SRFBP1: variants seen among roughly 807,000 people sequenced by gnomAD.
The protein encoded by SRFBP1 is serum response factor binding protein 1.
SRFBP1 carries 47 observed loss-of-function variants against 45.5 expected under a neutral mutation model. The ratio of observed to expected loss-of-function variants is 1.03; its 90% CI spans 0.82 to 1.32. SRFBP1 has a LOEUF of 1.32. Among genes scored for constraint, SRFBP1 ranks in the 40% most tolerant of loss-of-function variants. SRFBP1 has a pLI of 0.00. For missense variants in SRFBP1, 621 were observed against 484.6 expected (o/e 1.28, Z -2.64); for synonymous variants, 203 against 166.3 (o/e 1.22, Z -1.70).
chr5:122,062,766 A>G (rs897147676), intron 2 of SRFBP1, among the ~76,000 whole-genome samples: 2 of 151,994 alleles, frequency 1.3e-5, no homozygotes, highest in Non-Finnish European at 2.9e-5. Context: ...TTGCCCTCTC[A>G]TGTTACCAGA....
chr5:121,994,639 A>G lies in SRFBP1; in HGVS notation c.239A>G (p.Asp80Gly). Residue 80 changes from aspartate to glycine, a missense_variant, in exon 4 of 8, where the codon GAT (aspartate) becomes GGT (glycine). Transcript: ENST00000339397. ...ATAGTAACTAAATCTGCTCTTGGTG[A>G]TGATATCAACTTTGAAAAAATCTTC... ...PDIVTKSALG[D>G]DINFEKIFKK... The G allele has an allele frequency of 6.3e-7, 1 of 1,597,336 alleles. No individual in the cohort carries two copies. The highest frequency in any genetic ancestry group is 1.1e-5 in the South Asian group (1 of 87,714).
intron 4 of SRFBP1, among the ~76,000 whole-genome samples, chr5:122,015,272 A>C (rs1278426504): frequency 6.6e-6 from 1 of 152,230 alleles, no homozygotes; most frequent in Non-Finnish European, 1.5e-5. Context: ...CTACCAAGAC[A>C]GAATCTCAAA....
chr5:121,982,347 A>G (rs1752426952), intron 3 of SRFBP1, among the ~76,000 whole-genome samples: 1 of 151,990 alleles, frequency 6.6e-6, no homozygotes, highest in African/African-American at 2.4e-5. Context: ...AGCATTTAGT[A>G]ACAGATCATC....
chr5:121,969,126 A>G (rs1045210025), intron 1 of SRFBP1, among the ~76,000 whole-genome samples: 6 of 152,180 alleles, frequency 3.9e-5, no homozygotes, highest in African/African-American at 1.4e-4. Flanking sequence ...CACCCCAGAA[A>G]TAGAGCTCAT....
chr5:122,005,271 C>A (rs1377409929), intron 4 of SRFBP1, among the ~76,000 whole-genome samples: 1 of 152,128 alleles, frequency 6.6e-6, no homozygotes, highest in East Asian at 1.9e-4. Context: ...TATTGTATTA[C>A]AATCTGTCTC....
At chr5:121,969,712 A>G (rs1256252412) in intron 1 of SRFBP1, among the ~76,000 whole-genome samples, 1 of 152,010 alleles carries the variant, frequency 6.6e-6, no homozygotes, top group Non-Finnish European at 1.5e-5. Context: ...CAGACCTTAT[A>G]GATTGTCTTA....
Position 122,027,214 on chromosome 5 carries a change from A to C in SRFBP1, c.*88A>C, listed in dbSNP as rs1182839726. 1 of 1,074,948 alleles carries C rather than the reference A, an allele frequency of 9.3e-7. No homozygotes were observed. Among genetic ancestry groups the C allele is most frequent in the Non-Finnish European group, 1.3e-6 (1 of 755,398 alleles). The allele number at this position is 1,074,948 out of a possible 1,614,324, so 66.6% of individuals were successfully genotyped here. ...CTCATTCTGTTGCCCAGACTAGAGT[A>C]CAATATTGCAATCACAGCTCACTGC... is the stretch of plus-strand genomic sequence containing the variant. On this transcript the variant is annotated 3_prime_UTR_variant, in exon 8 of 8. Coordinates refer to ENST00000339397, the MANE Select transcript of SRFBP1 (RefSeq NM_152546.3).
chr5:121,985,236 A>G (rs923848898), intron 3 of SRFBP1, among the ~76,000 whole-genome samples: 1 of 151,888 alleles, frequency 6.6e-6, no homozygotes, highest in African/African-American at 2.4e-5. Flanking sequence ...GTCTTTCTGT[A>G]ACAGTGAGTC....
At chr5:122,076,175 G>A (rs1754624828), downstream of SRFBP1, 1 of 152,226 alleles carries the variant, frequency 6.6e-6, no homozygotes, top group African/African-American at 2.4e-5. Context: ...ATTATAAAGG[G>A]TCAAAGTGGA....
chr5:122,052,745 C>T (rs1023731461), intron 2 of SRFBP1, among the ~76,000 whole-genome samples: 2 of 152,180 alleles, frequency 1.3e-5, no homozygotes, highest in South Asian at 2.1e-4. Context: ...AATTCAATTT[C>T]TGCCATTTCA....
chr5:122,023,641 T>C (rs1026295943), intron 7 of SRFBP1, among the ~76,000 whole-genome samples: 38 of 152,174 alleles, frequency 2.5e-4, no homozygotes, highest in African/African-American at 8.4e-4. Context: ...GGAGGGTCTT[T>C]GTTTCGTGGC....
chr5:121,993,279 A>T lies in SRFBP1; in HGVS notation c.199-1320A>T, dbSNP rs1054697218. Among the ~76,000 whole-genome samples the T allele has an allele frequency of 3.3e-5, 5 of 152,254 alleles. 1 individual carries two copies. The South Asian group carries it at 1.0e-3, about 31-fold the overall frequency. ...CTCACATTTATGAAAAAACATATGTATATATTCCTTCTGCTGAAAGGGTTA... is the reference window on the plus strand; with the variant it reads ...CTCACATTTATGAAAAAACATATGTTTATATTCCTTCTGCTGAAAGGGTTA... On this transcript the variant is annotated intron_variant, in intron 3 of 7. Transcript: ENST00000339397.
chr5:121,989,355 C>T (rs142459734), intron 3 of SRFBP1, among the ~76,000 whole-genome samples: 1,609 of 152,118 alleles, frequency 0.011, 28 homozygotes, highest in African/African-American at 0.036. Context: ...TGTGAGCCAC[C>T]GAGCCCTGCC....
intron 4 of SRFBP1, among the ~76,000 whole-genome samples, chr5:122,012,621 T>C (rs925935805): frequency 6.6e-6 from 1 of 152,084 alleles, no homozygotes; most frequent in South Asian, 2.1e-4. Context: ...TAGTTAAAAA[T>C]AGCTGGCAGC....
rs745748607 is a variant in SRFBP1, at chr5:122,034,235, C to G, written n.311+11828C>G. Among the ~76,000 whole-genome samples the G allele has an allele frequency of 3.3e-5, 5 of 152,246 alleles. No individual in the cohort carries two copies. The South Asian group carries it at 8.3e-4, about 25-fold the overall frequency. ...TTTTCCATTTAATAAGTGAAGTAAG[C>G]CCTTTCACATGTGTTAAGATGAATA... On this transcript the variant is annotated intron_variant and non_coding_transcript_variant, in intron 2 of 2. Coordinates refer to the SRFBP1 transcript ENST00000504881.
intron 1 of SRFBP1, among the ~76,000 whole-genome samples, chr5:121,971,241 T>G (rs539427068): frequency 6.6e-6 from 1 of 152,060 alleles, no homozygotes; most frequent in Non-Finnish European, 1.5e-5. Context: ...AGAACAGGTG[T>G]GGAGAAACCG....
At chr5:122,009,616 TC>T (rs1230707000) in intron 4 of SRFBP1, among the ~76,000 whole-genome samples, 7 of 152,228 alleles carry the variant, frequency 4.6e-5, no homozygotes, top group Admixed American at 3.9e-4. Context: ...TGGTAAGTTT[TC>T]CGAGTAGGGT....
At chr5:122,001,065 T>A (rs886334874) in intron 4 of SRFBP1, among the ~76,000 whole-genome samples, 5 of 152,096 alleles carry the variant, frequency 3.3e-5, no homozygotes, top group African/African-American at 4.8e-5. Context: ...TTCTCCAAGC[T>A]CTTAAGTTTT....
chr5:122,027,045 A>T lies in SRFBP1; in HGVS notation c.1209A>T (p.Ser403=). ...KQQLQLPLHP[S]WEASRRRKEQ... is the part of the protein sequence containing the mutation. Reference sequence around the variant, plus strand: ...AATTGCAGCTGCCTCTTCATCCTTCATGGGAAGCAAGCAGAAGGCGAAAAG... The same window carrying T: ...AATTGCAGCTGCCTCTTCATCCTTCTTGGGAAGCAAGCAGAAGGCGAAAAG... The change falls in exon 8 of 8, where the codon TCA becomes TCT. Residue 403 remains serine, a synonymous_variant. Coordinates refer to ENST00000339397, the MANE Select transcript of SRFBP1 (RefSeq NM_152546.3). 1.2e-6 allele frequency: 2 copies of T among 1,612,882 alleles called. No individual in the cohort carries two copies. The highest frequency in any genetic ancestry group is 1.7e-6 in the Non-Finnish European group (2 of 1,179,602).
Sources: gnomAD v4.1 joint callset for allele counts (sites outside exome capture counted in the v4.1 genomes callset) on GRCh38, gnomAD v4.1.1 for gene constraint, MANE v1.5 for transcripts, NCBI Gene and HGNC (gene_info 2026-07-23, HGNC 2026-07-21) for gene names.